The following CFAP69 variants were observed in gnomAD, a reference collection of about 807,000 sequenced individuals.
CFAP69 encodes the protein cilia and flagella associated protein 69, also known as cilia- and flagella-associated protein 69.
In CFAP69, 92 loss-of-function variants were observed where a neutral mutation model predicts 123.0. That is an observed-to-expected ratio of 0.75 (90% confidence interval 0.63 to 0.89). CFAP69 has a LOEUF of 0.89. Among genes scored for constraint, CFAP69 ranks in the 40% least tolerant of loss-of-function variants. The pLI is 0.00. For synonymous variants in CFAP69, 380 were observed against 364.3 expected, an observed-to-expected ratio of 1.04 and a Z score of -0.49; for missense variants, 1,067 against 1,096.9, an observed-to-expected ratio of 0.97 and a Z score of 0.39.
chr7:90,270,323 A>C (rs772213270), intron 6 of CFAP69: 1 of 152,174 alleles, frequency 6.6e-6, no homozygotes, highest in African/African-American at 2.4e-5. Flanking sequence ...CATAAAAATC[A>C]TTATTTTAGA....
the CFAP69 span, chr7:90,316,547 G>C: frequency 6.6e-6 from 1 of 152,134 alleles, no homozygotes; most frequent in African/African-American, 2.4e-5. Flanking sequence ...CAAAGATTAC[G>C]TCTGGATTGT....
chr7:90,304,775 A>G lies in CFAP69; in HGVS notation c.2220A>G (p.Glu740=). Residue 740 remains glutamate, a synonymous_variant, in exon 19 of 23, where the codon GAA becomes GAG. Transcript: ENST00000389297. Reference sequence around the variant, plus strand: ...AAAATTTACCTGGCCTATCTGCTGAAGATTTTGTCACCCTTTGTATCATAC... The same window carrying G: ...AAAATTTACCTGGCCTATCTGCTGAGGATTTTGTCACCCTTTGTATCATAC... ...DFENLPGLSA[E]DFVTLCIIHR... The G allele has an allele frequency of 6.3e-7, 1 of 1,589,428 alleles. No individual in the cohort carries two copies. Among genetic ancestry groups the G allele is most frequent in the Non-Finnish European group, 8.6e-7 (1 of 1,162,286 alleles).
At chr7:90,288,644 G>A (rs569512788) in intron 15 of CFAP69, among the ~76,000 whole-genome samples, 2 of 152,028 alleles carry the variant, frequency 1.3e-5, no homozygotes, top group Non-Finnish European at 1.5e-5. Flanking sequence ...AAAAGGTACA[G>A]TAAGACTACA....
At chr7:90,288,487 A>C in intron 15 of CFAP69, 135 bp downstream of exon 15, 1 of 1,018,276 alleles carries the variant, frequency 9.8e-7, no homozygotes, top group Non-Finnish European at 1.4e-6. Flanking sequence ...TAGTTACACA[A>C]ACATAGATGG....
chr7:90,269,866 G>A (rs1182620597), intron 6 of CFAP69, among the ~76,000 whole-genome samples: 1 of 152,122 alleles, frequency 6.6e-6, no homozygotes, highest in Non-Finnish European at 1.5e-5. Context: ...TGTAGGCAGA[G>A]GAGCTAGAAG....
At position 90,309,337 on chromosome 7, in the gene CFAP69, C is replaced by A; in HGVS notation, c.2625C>A (p.His875Gln). Reference sequence around the variant, plus strand: ...AACGACCACAAAATGCAATATTTCACCAAACACATATTAAAGGCCTTAACA... The same window carrying A: ...AACGACCACAAAATGCAATATTTCAACAAACACATATTAAAGGCCTTAACA... ...YHKRPQNAIF[H>Q]QTHIKGLNTT... Residue 875 changes from histidine (H) to glutamine (Q), a missense_variant, in exon 22 of 23, where the codon CAC becomes CAA. His to Gln is a conservative substitution (Grantham distance 24, BLOSUM62 0). Coordinates refer to ENST00000389297, the MANE Select transcript of CFAP69 (RefSeq NM_001039706.3). 6.3e-7 allele frequency: 1 copy of A among 1,588,272 alleles called. No individual in the cohort carries two copies. The highest frequency in any genetic ancestry group is 8.6e-7 in the Non-Finnish European group (1 of 1,166,370).
rs374913958 is a variant in CFAP69 at position 90,271,961 on chromosome 7, A to G, written c.860+3A>G. The G allele has an allele frequency of 1.2e-5, 19 of 1,609,180 alleles. No homozygotes were observed. The highest frequency in any genetic ancestry group is 1.6e-5 in the Non-Finnish European group (19 of 1,177,658). On this transcript the variant is annotated splice_donor_region_variant and intron_variant, in intron 8 of 22. Coordinates refer to ENST00000389297, the MANE Select transcript of CFAP69 (RefSeq NM_001039706.3). Reference sequence around the variant, plus strand: ...CTTAGTAACTTGGAATGTTTGCTGTAAGCGTATGTGGTTAGATAGGAATGT... The same window carrying G: ...CTTAGTAACTTGGAATGTTTGCTGTGAGCGTATGTGGTTAGATAGGAATGT...
chr7:90,282,481 A>C (rs547105584), intron 12 of CFAP69, among the ~76,000 whole-genome samples: 1 of 152,296 alleles, frequency 6.6e-6, no homozygotes, highest in South Asian at 2.1e-4. Flanking sequence ...AACTCTTCTC[A>C]ATGGATATAA....
the CFAP69 span, among the ~76,000 whole-genome samples, chr7:90,320,162 A>G: frequency 2.0e-5 from 3 of 152,218 alleles, no homozygotes; most frequent in Non-Finnish European, 4.4e-5. Flanking sequence ...AACTAAGTGG[A>G]TCAAAATACA....
At chr7:90,246,479 G>A (rs559126552) in intron 1 of CFAP69, among the ~76,000 whole-genome samples, 2 of 152,344 alleles carry the variant, frequency 1.3e-5, no homozygotes, top group East Asian at 1.9e-4. Context: ...AGAGTTCCTT[G>A]GGAGTGGTCA....
At chr7:90,263,378 T>C (rs1798599060) in intron 4 of CFAP69, among the ~76,000 whole-genome samples, 1 of 152,198 alleles carries the variant, frequency 6.6e-6, no homozygotes, top group South Asian at 2.1e-4. Context: ...AATAGAATAA[T>C]AATGTCAAGC....
chr7:90,288,300 C>T lies in CFAP69; in HGVS notation c.1723C>T (p.Gln575Ter), dbSNP rs1368819428. The T allele has an allele frequency of 1.6e-5, 26 of 1,612,254 alleles. No individual in the cohort carries two copies. The highest frequency in any genetic ancestry group is 3.3e-5 in the Admixed American group (2 of 59,962). The change falls in exon 15 of 23, where the codon CAG becomes TAG. Residue 575 changes from glutamine to a stop codon, truncating the protein, a stop_gained. Coordinates refer to ENST00000389297, the MANE Select transcript of CFAP69 (RefSeq NM_001039706.3). LOFTEE classifies it high-confidence loss of function. ...GATGAAAACAGACCCCAGGAAGTTA[C>T]AGAGTGGCTTAGGCTATAATGTACT... Reference protein sequence around the residue: ...HVMKTDPRKLQSGLGYNVLLF... With the variant: ...HVMKTDPRKL
rs546789114 is a variant in CFAP69, at chr7:90,250,751, G to T, written c.121-4672G>T. Among the ~76,000 whole-genome samples the T allele has an allele frequency of 3.9e-5, 6 of 152,156 alleles. No individual in the cohort carries two copies. The East Asian group carries it at 9.7e-4, about 25-fold the overall frequency. ...TCTCATTTACCCAAAATCTTCAATT[G>T]TCACGTTAAGCCTATGATTCAGAAA... On this transcript the variant is annotated intron_variant, in intron 1 of 22. Transcript: ENST00000389297.
intron 12 of CFAP69, among the ~76,000 whole-genome samples, chr7:90,281,914 A>G (rs538595039): frequency 8.9e-4 from 136 of 152,324 alleles, no homozygotes; most frequent in African/African-American, 3.1e-3. Flanking sequence ...AAAACAACTC[A>G]GTAGAGAAGT....
chr7:90,280,301 G>A (rs374823786), intron 12 of CFAP69, among the ~76,000 whole-genome samples: 2 of 152,070 alleles, frequency 1.3e-5, no homozygotes, highest in East Asian at 1.9e-4. Context: ...GGGCTCTAGC[G>A]ATCCTCCCAC....
At chr7:90,274,856 GTC>G (rs1788355584) in intron 9 of CFAP69, among the ~76,000 whole-genome samples, 1 of 152,090 alleles carries the variant, frequency 6.6e-6, no homozygotes. Context: ...ATAAATTTAA[GTC>G]TTTGAGAAGA....
chr7:90,277,384 A>G, intron 11 of CFAP69, 50 bp downstream of exon 11: 3 of 1,354,354 alleles, frequency 2.2e-6, no homozygotes, highest in Non-Finnish European at 2.9e-6. Flanking sequence ...CTTACTTTGT[A>G]GTATAACTAT....
intron 14 of CFAP69, among the ~76,000 whole-genome samples, chr7:90,287,040 C>T (rs1269828694): frequency 1.4e-5 from 2 of 147,178 alleles, no homozygotes; most frequent in Non-Finnish European, 3.0e-5. Context: ...GAGCCCAGAT[C>T]TCACCACTGC....
At chr7:90,304,655 AT>A (rs1793297401) in intron 18 of CFAP69, 88 bp from the exon 19 acceptor site, 1 of 858,134 alleles carries the variant, frequency 1.2e-6, no homozygotes, top group Admixed American at 6.2e-5. Context: ...AGATAGATAG[AT>A]AGATAGATAG....
Sources: allele counts gnomAD v4.1 joint callset (sites outside exome capture counted in the v4.1 genomes callset), GRCh38; gene constraint gnomAD v4.1.1; transcripts MANE v1.5; gene names NCBI Gene and HGNC (gene_info 2026-07-23, HGNC 2026-07-21).